PRH1: variants seen among roughly 807,000 people sequenced by gnomAD.
PRH1 encodes the protein proline rich protein HaeIII subfamily 1.
In PRH1, 7 loss-of-function variants were observed where a neutral mutation model predicts 7.9. That is an observed-to-expected ratio of 0.89 (90% confidence interval 0.50 to 1.67). PRH1 has a LOEUF of 1.67. Ranked by LOEUF, PRH1 falls within the 40% of genes most tolerant of loss-of-function variation. The probability of loss-of-function intolerance (pLI) is 0.00; values close to 1 mark genes in which losing one functional copy is unlikely to be tolerated. For synonymous variants in PRH1, 45 were observed against 80.8 expected (o/e 0.56, Z 2.38); for missense variants, 109 against 223.6 (o/e 0.49, Z 3.27).
chr12:11,170,272 C>A (rs567061643), intron 1 of PRH1, among the ~76,000 whole-genome samples: 1 of 152,278 alleles, frequency 6.6e-6, no homozygotes, highest in East Asian at 1.9e-4. Context: ...ACAGGCCGGG[C>A]GCTGTGGCTC....
chr12:11,098,780 A>C (rs1945140229), intron 1 of PRH1, among the ~76,000 whole-genome samples: 1 of 152,210 alleles, frequency 6.6e-6, no homozygotes, highest in South Asian at 2.1e-4. Flanking sequence ...GTTGCTGCTA[A>C]TACTTTTGTA....
chr12:10,903,931 CAAA>C lies in PRH1; in HGVS notation c.-58-19659_-58-19657del, dbSNP rs546066515. ...AATGCAATCCCATTTACAATAGCCTCAAAAAAAAAAAAAAAAAAAAAAACAACT... is the reference window on the plus strand; with the variant it reads ...AATGCAATCCCATTTACAATAGCCTCAAAAAAAAAAAAAAAAAAAACAACT... On this transcript the variant is annotated intron_variant, in intron 2 of 3. Coordinates refer to the PRH1 transcript ENST00000539853. Among the ~76,000 whole-genome samples, 80 of 31,104 alleles carry C rather than the reference CAAA, an allele frequency of 2.6e-3. 3 individuals carry two copies. The East Asian group carries it at 0.076, about 30-fold the overall frequency. 20.4% of individuals were successfully genotyped at this position (31,104 alleles called of 152,430 possible).
chr12:10,883,714 A>G (rs373332554), intron 1 of PRH1, among the ~76,000 whole-genome samples: 7 of 152,206 alleles, frequency 4.6e-5, no homozygotes, highest in African/African-American at 2.4e-5. Context: ...GTAGACAGAG[A>G]CAAGTGTTTA....
chr12:11,030,344 A>C (rs1477529157), intron 1 of PRH1: 1 of 1,548,902 alleles, frequency 6.5e-7, no homozygotes, highest in Non-Finnish European at 8.7e-7. Flanking sequence ...AGAAATATAA[A>C]ATGTTTCATA....
At chr12:11,029,120 A>T (rs1179168065) in intron 1 of PRH1, among the ~76,000 whole-genome samples, 1 of 152,302 alleles carries the variant, frequency 6.6e-6, no homozygotes, top group Non-Finnish European at 1.5e-5. Context: ...ATATATGATT[A>T]AAAAAATACA....
At position 11,026,036 on chromosome 12, in the gene PRH1, G is replaced by GT. The variant is rs902876297; in HGVS notation, c.-126+20983dup. Among the ~76,000 whole-genome samples the GT allele has an allele frequency of 2.4e-4, 21 of 88,088 alleles. No homozygotes were observed. The East Asian group carries it at 3.8e-3, about 16-fold the overall frequency. The allele number at this position is 88,088 out of a possible 152,430, so 57.8% of individuals were successfully genotyped here. On this transcript the variant is annotated intron_variant, in intron 1 of 3. Coordinates refer to the PRH1 transcript ENST00000539853. ...AAGATACCGGTGAGAACTTATACTT[G>GT]TTTTTTTTTCTTCTTCTGAGACACA...
In PRH1 at chr12:11,006,569, C is replaced by T. The variant is rs562772985; in HGVS notation, c.-125-32848G>A. On this transcript the variant is annotated intron_variant, in intron 1 of 3. Transcript: ENST00000539853. ...GCTAATTTTAACATTTTTGTGGAGA[C>T]AAATTTCCAAGAACGAATGCAAACA... 1.7e-4 allele frequency among the ~76,000 whole-genome samples: 26 copies of T among 151,690 alleles called. No homozygotes were observed. In the East Asian group the frequency reaches 3.9e-3, roughly 23 times the overall value.
chr12:11,131,779 T>C (rs200123150), intron 1 of PRH1, among the ~76,000 whole-genome samples: 3,534 of 104,714 alleles, frequency 0.034, no homozygotes, highest in East Asian at 0.22. Context: ...GATAAGCCTG[T>C]AATCTTAACC....
intron 1 of PRH1, among the ~76,000 whole-genome samples, chr12:10,987,605 T>C (rs1939715616): frequency 6.6e-6 from 1 of 151,914 alleles, no homozygotes; most frequent in South Asian, 2.1e-4. Flanking sequence ...ATTATTTTCT[T>C]ATACTTTCCA....
intron 1 of PRH1, chr12:11,133,496 C>A: frequency 6.2e-7 from 1 of 1,614,114 alleles, no homozygotes; most frequent in Non-Finnish European, 8.5e-7. Context: ...CCCAAAATTA[C>A]AAACTGATAT....
At chr12:11,127,685 AAATT>A in intron 1 of PRH1, among the ~76,000 whole-genome samples, 1 of 31,530 alleles carries the variant, frequency 3.2e-5, no homozygotes, top group African/African-American at 5.6e-5. Flanking sequence ...TCTAAAATGA[AAATT>A]AATTTTCTTA....
At chr12:11,139,818 T>C (rs1195992844) in intron 1 of PRH1, among the ~76,000 whole-genome samples, 1 of 152,138 alleles carries the variant, frequency 6.6e-6, no homozygotes, top group Non-Finnish European at 1.5e-5. Flanking sequence ...AATCAGATAA[T>C]GCCATACTCA....
At chr12:10,941,139 G>A (rs1001964815) in intron 2 of PRH1, among the ~76,000 whole-genome samples, 3 of 152,130 alleles carry the variant, frequency 2.0e-5, no homozygotes, top group African/African-American at 7.2e-5. Flanking sequence ...TGGTGGGTGG[G>A]GGGTTGTGTG....
intron 2 of PRH1, among the ~76,000 whole-genome samples, chr12:10,962,973 C>T (rs1353294919): frequency 2.6e-5 from 4 of 152,236 alleles, no homozygotes; most frequent in East Asian, 1.9e-4. Flanking sequence ...GGTTTCACAG[C>T]GTTAGCCAGG....
chr12:11,118,731 A>G (rs1475060378), downstream of PRH1, among the ~76,000 whole-genome samples: 1 of 152,158 alleles, frequency 6.6e-6, no homozygotes, highest in Non-Finnish European at 1.5e-5. Flanking sequence ...GCGGTGGCTG[A>G]CACCGGTAAT....
intron 1 of PRH1, chr12:11,166,033 T>A (rs962989143): frequency 6.6e-6 from 1 of 152,232 alleles, no homozygotes; most frequent in Non-Finnish European, 1.5e-5. Context: ...ACTTTTTTAA[T>A]GCTCCTACCA....
intron 1 of PRH1, among the ~76,000 whole-genome samples, chr12:10,996,323 C>T (rs1256260787): frequency 6.7e-6 from 1 of 150,006 alleles, no homozygotes; most frequent in Non-Finnish European, 1.5e-5. Flanking sequence ...GGCAAGACTC[C>T]ATCTCAAAAA....
chr12:11,138,544 T>C (rs1946619649), intron 1 of PRH1, among the ~76,000 whole-genome samples: 1 of 152,194 alleles, frequency 6.6e-6, no homozygotes, highest in Non-Finnish European at 1.5e-5. Flanking sequence ...TAGGTCTATA[T>C]ATGTAATATC....
intron 1 of PRH1, among the ~76,000 whole-genome samples, chr12:11,155,989 C>T (rs181474797): frequency 1.3e-5 from 2 of 152,260 alleles, no homozygotes; most frequent in East Asian, 3.9e-4. Flanking sequence ...TTATTCATTA[C>T]CTCTTTTAAC....
Sources: allele counts gnomAD v4.1 joint callset (sites outside exome capture counted in the v4.1 genomes callset), GRCh38; gene constraint gnomAD v4.1.1; transcripts MANE v1.5; gene names NCBI Gene and HGNC (gene_info 2026-07-23, HGNC 2026-07-21).